TICRR: variants seen among roughly 807,000 people sequenced by gnomAD.
The protein encoded by TICRR is TOPBP1 interacting checkpoint and replication regulator, also known as treslin.
A neutral mutation model predicts 178.1 loss-of-function variants in TICRR; 132 were observed. That is an observed-to-expected ratio of 0.74 (90% CI 0.64 to 0.86). The LOEUF is 0.86. Among genes scored for constraint, TICRR ranks in the 40% least tolerant of loss-of-function variants. The probability of loss-of-function intolerance (pLI) is 0.00; values close to 1 mark genes in which losing one functional copy is unlikely to be tolerated. For missense variants in TICRR, 2,587 were observed against 2,334.3 expected, an observed-to-expected ratio of 1.11 and a Z score of -2.23; for synonymous variants, 991 against 900.7, an observed-to-expected ratio of 1.10 and a Z score of -1.79.
At chr15:89,576,817 GTGTGTATATATA>G (rs1962625574) in intron 1 of TICRR, among the ~76,000 whole-genome samples, 14 of 11,150 alleles carry the variant, frequency 1.3e-3, no homozygotes, top group Admixed American at 2.0e-3. Flanking sequence ...GTGTATGTGT[GTGTGTATATATA>G]TATATATATA....
intron 16 of TICRR, 49 bp downstream of exon 16, chr15:89,616,544 A>G (rs750816915): frequency 6.6e-7 from 1 of 1,511,280 alleles, no homozygotes; most frequent in African/African-American, 1.4e-5. Context: ...CACCACCTCA[A>G]AGCGGCCTTG....
rs117384106 is a variant in TICRR, at chr15:89,592,475, A to C, written c.1541+299A>C. ...GAGAAAATATTTATAACTAAGTATCAATGCAAATAGAAAACAGCAAACTTG... is the reference window on the plus strand; with the variant it reads ...GAGAAAATATTTATAACTAAGTATCCATGCAAATAGAAAACAGCAAACTTG... On this transcript the variant is annotated intron_variant, in intron 5 of 21. Coordinates refer to ENST00000268138, the MANE Select transcript of TICRR (RefSeq NM_152259.4). Among the ~76,000 whole-genome samples, 3 of 152,304 alleles carry C rather than the reference A, an allele frequency of 2.0e-5. No individual in the cohort carries two copies. In the East Asian group the frequency reaches 5.8e-4, roughly 29 times the overall value.
At chr15:89,583,000 T>TA (rs752746698) in intron 2 of TICRR, 35 bp downstream of exon 2, 2 of 1,513,662 alleles carry the variant, frequency 1.3e-6, no homozygotes, top group African/African-American at 1.4e-5. Context: ...TTTTTTTTTT[T>TA]AAATCTCAGT....
chr15:89,626,052 G>C lies in TICRR; in HGVS notation c.5593G>C (p.Asp1865His). The C allele has an allele frequency of 1.2e-6, 2 of 1,613,872 alleles. No individual in the cohort carries two copies. The highest frequency in any genetic ancestry group is 3.3e-4 in the Middle Eastern group (2 of 6,060). The change falls in exon 21 of 22, where the codon GAC (aspartate) becomes CAC (histidine). Residue 1865 changes from aspartate (D) to histidine (H), a missense_variant. Transcript: ENST00000268138. ...QGKTPSSQSK[D>H]PRDEDVDVLP... Reference sequence around the variant, plus strand: ...GAAAACACCTTCCTCTCAGAGCAAAGACCCCAGAGGTAATGTTTGTTGAAG... The same window carrying C: ...GAAAACACCTTCCTCTCAGAGCAAACACCCCAGAGGTAATGTTTGTTGAAG...
At chr15:89,620,884 A>G (rs1963413410) in intron 18 of TICRR, among the ~76,000 whole-genome samples, 2 of 151,694 alleles carry the variant, frequency 1.3e-5, no homozygotes, top group East Asian at 1.9e-4. Context: ...CACCACGCCC[A>G]GCTAAATTTT....
At chr15:89,600,550 C>A in intron 8 of TICRR, 35 bp from the exon 9 acceptor site, 3 of 966,192 alleles carry the variant, frequency 3.1e-6, no homozygotes, top group South Asian at 3.5e-5. Flanking sequence ...TGACAAGTAA[C>A]ACTATTCTCC....
Position 89,619,692 on chromosome 15 carries a change from G to C in TICRR, c.3020-16G>C. ...GTAGTTGTCTTTGGTTACTTACTGT[G>C]GTTCTGATTTTACAGAAATAAGTCT... On this transcript the variant is annotated splice_polypyrimidine_tract_variant and intron_variant, in intron 17 of 21. Transcript: ENST00000268138. The C allele has an allele frequency of 2.5e-6, 4 of 1,598,182 alleles. No homozygotes were observed. Among genetic ancestry groups the C allele is most frequent in the Non-Finnish European group, 3.4e-6 (4 of 1,174,306 alleles).
In TICRR at chr15:89,627,088, C is replaced by T. The variant is rs1267057218; in HGVS notation, c.*2C>T. The T allele has an allele frequency of 1.9e-6, 3 of 1,613,828 alleles. No individual in the cohort carries two copies. The highest frequency in any genetic ancestry group is 2.5e-6 in the Non-Finnish European group (3 of 1,180,048). Reference sequence around the variant, plus strand: ...GGAACCTGGCTGGAGGACTTATAGCCACAAACATTACTGAGCCCAAAAGAT... The same window carrying T: ...GGAACCTGGCTGGAGGACTTATAGCTACAAACATTACTGAGCCCAAAAGAT... On this transcript the variant is annotated 3_prime_UTR_variant, in exon 22 of 22. Transcript: ENST00000268138.
At chr15:89,608,712 T>C (rs1289503672) in intron 14 of TICRR, 91 bp from the exon 15 acceptor site, 1 of 1,153,456 alleles carries the variant, frequency 8.7e-7, no homozygotes, top group African/African-American at 1.6e-5. Context: ...CTCAAGGAGC[T>C]TCTCTGTTTT....
intron 19 of TICRR, among the ~76,000 whole-genome samples, chr15:89,622,146 C>T (rs2141982348): frequency 6.6e-6 from 1 of 152,180 alleles, no homozygotes; most frequent in East Asian, 1.9e-4. Flanking sequence ...CCACAACGCC[C>T]AACTAATTTT....
chr15:89,590,161 C>T (rs930792330), intron 4 of TICRR, among the ~76,000 whole-genome samples: 6 of 151,986 alleles, frequency 3.9e-5, no homozygotes, highest in Non-Finnish European at 7.4e-5. Context: ...AGAAAGTGCA[C>T]GTGGCCAAAC....
At chr15:89,592,479 C>T (rs1049639140) in intron 5 of TICRR, among the ~76,000 whole-genome samples, 1 of 151,898 alleles carries the variant, frequency 6.6e-6, no homozygotes, top group African/African-American at 2.4e-5. Context: ...AGTATCAATG[C>T]AAATAGAAAA....
intron 14 of TICRR, 91 bp from the exon 15 acceptor site, chr15:89,608,712 T>G (rs1289503672): frequency 8.7e-7 from 1 of 1,153,456 alleles, no homozygotes; most frequent in African/African-American, 1.6e-5. Flanking sequence ...CTCAAGGAGC[T>G]TCTCTGTTTT....
chr15:89,598,202 T>C (rs1057023804), intron 7 of TICRR, among the ~76,000 whole-genome samples: 2 of 152,096 alleles, frequency 1.3e-5, no homozygotes, highest in African/African-American at 4.8e-5. Flanking sequence ...CTCGATCTCC[T>C]GACCTCGTGA....
At chr15:89,601,449 A>G (rs370375386) in intron 10 of TICRR, 40 bp from the exon 11 acceptor site, 1 of 1,612,130 alleles carries the variant, frequency 6.2e-7, no homozygotes, top group Non-Finnish European at 8.5e-7. Flanking sequence ...GCTTCCCTGC[A>G]GAGGGCATCT....
chr15:89,576,855 A>G (rs1962629603), intron 1 of TICRR, among the ~76,000 whole-genome samples: 1 of 137,644 alleles, frequency 7.3e-6, no homozygotes, highest in African/African-American at 2.9e-5. Context: ...ATATATATAT[A>G]TATATACACA....
rs148732884 is a variant in TICRR, at chr15:89,596,400, G to A, written c.1900+789G>A. 2.8e-4 allele frequency among the ~76,000 whole-genome samples: 42 copies of A among 152,190 alleles called. No homozygotes were observed. The East Asian group carries it at 7.0e-3, about 25-fold the overall frequency. ...TTGCTCTTTTTGCCCAGGCTGGAGT[G>A]CACTGGCATGATCTTGGCTCACTGC... On this transcript the variant is annotated intron_variant, in intron 7 of 21. Coordinates refer to ENST00000268138, the MANE Select transcript of TICRR (RefSeq NM_152259.4).
intron 7 of TICRR, 65 bp from the exon 8 acceptor site, chr15:89,599,259 G>T: frequency 7.6e-7 from 1 of 1,318,974 alleles, no homozygotes; most frequent in Non-Finnish European, 1.0e-6. Context: ...GACAACAACT[G>T]GCCTAAGTAA....
At chr15:89,582,019 G>A (rs1319336951) in intron 1 of TICRR, among the ~76,000 whole-genome samples, 1 of 152,060 alleles carries the variant, frequency 6.6e-6, no homozygotes, top group Admixed American at 6.6e-5. Context: ...GTGCTGTATA[G>A]GACATAATTA....
Sources: gnomAD v4.1 joint callset for allele counts (sites outside exome capture counted in the v4.1 genomes callset) on GRCh38, gnomAD v4.1.1 for gene constraint, MANE v1.5 for transcripts, NCBI Gene and HGNC (gene_info 2026-07-23, HGNC 2026-07-21) for gene names.